The following CHD1L variants were observed in gnomAD, a reference collection of about 807,000 sequenced individuals.
The protein encoded by CHD1L is ATP-dependent chromatin remodeler CHD1L.
In CHD1L, 118 loss-of-function variants were observed where a neutral mutation model predicts 115.9. That is an observed-to-expected ratio of 1.02 (90% confidence interval 0.88 to 1.19). CHD1L has a LOEUF of 1.19. Among genes scored for constraint, CHD1L ranks in the 50% most tolerant of loss-of-function variants. The pLI is 0.00. For synonymous variants in CHD1L, 411 were observed against 387.1 expected (o/e 1.06, Z -0.72); for missense variants, 1,179 against 1,065.3 (o/e 1.11, Z -1.49).
the CHD1L span, chr1:147,209,613 T>C: frequency 6.6e-6 from 1 of 152,628 alleles, no homozygotes; most frequent in Admixed American, 6.5e-5. Flanking sequence ...CCGTTGTATT[T>C]CTGTTTAGTG....
chr1:147,203,976 C>T, the CHD1L span: 5 of 1,214,540 alleles, frequency 4.1e-6, no homozygotes, highest in Non-Finnish European at 4.9e-6. Flanking sequence ...CTTCGGACAT[C>T]CCATTTTGAG....
In CHD1L at chr1:147,254,859, C is replaced by G; in HGVS notation, c.241-11C>G. The stretch of plus-strand genomic sequence containing the variant: ...TGTGATCAAAACTGCCTTTCTTTTT[C>G]TGTGTTCCAGACTATTGCTCTCTTC... On this transcript the variant is annotated splice_polypyrimidine_tract_variant and intron_variant, in intron 2 of 22. Transcript: ENST00000369258. The G allele has an allele frequency of 6.4e-7, 1 of 1,568,402 alleles. No homozygotes were observed. The highest frequency in any genetic ancestry group is 8.6e-7 in the Non-Finnish European group (1 of 1,159,268).
the CHD1L span, chr1:147,225,347 G>T: frequency 3.0e-6 from 1 of 331,316 alleles, no homozygotes. Flanking sequence ...CTCAACAGGC[G>T]GCTGTTGTCA....
intron 21 of CHD1L, 79 bp downstream of exon 21, chr1:147,293,801 A>G: frequency 1.7e-6 from 2 of 1,189,870 alleles, no homozygotes; most frequent in Non-Finnish European, 2.5e-6. Flanking sequence ...GGAGGTAAGA[A>G]ATGTCAAGAT....
the CHD1L span, among the ~76,000 whole-genome samples, chr1:147,236,047 T>C: frequency 6.6e-6 from 1 of 151,922 alleles, no homozygotes; most frequent in Non-Finnish European, 1.5e-5. Flanking sequence ...AAATATGAGG[T>C]CCAGCCACTA....
chr1:147,202,220 T>C, the CHD1L span, among the ~76,000 whole-genome samples: 2 of 151,728 alleles, frequency 1.3e-5, no homozygotes, highest in Non-Finnish European at 2.9e-5. Context: ...AAACATTGGG[T>C]TGGTGCAAAA....
upstream of CHD1L, among the ~76,000 whole-genome samples, chr1:147,239,681 C>G (rs1408031500): frequency 6.6e-6 from 1 of 152,204 alleles, no homozygotes; most frequent in Non-Finnish European, 1.5e-5. Flanking sequence ...GACCTGGAGT[C>G]TCTCAGCTAC....
intron 7 of CHD1L, 28 bp from the exon 8 acceptor site, chr1:147,265,904 A>C: frequency 6.3e-7 from 1 of 1,591,142 alleles, no homozygotes; most frequent in Non-Finnish European, 8.5e-7. Context: ...TTTGTCCCAC[A>C]CTTCTTGTAT....
chr1:147,179,677 G>GA, the CHD1L span: 3 of 1,027,760 alleles, frequency 2.9e-6, no homozygotes, highest in South Asian at 3.9e-5. Context: ...CCAGAGATGG[G>GA]AAAACCACTG....
At chr1:147,223,165 C>T in the CHD1L span, among the ~76,000 whole-genome samples, 1,728 of 152,258 alleles carry the variant, frequency 0.011, 98 homozygotes, top group East Asian at 0.17. Flanking sequence ...AAGGTTTGAG[C>T]CTAAGACTGC....
the CHD1L span, chr1:147,186,408 A>G: frequency 1.1e-6 from 1 of 902,600 alleles, no homozygotes; most frequent in African/African-American, 1.8e-5. Context: ...ACATACAACT[A>G]TTGTAGGAAC....
the CHD1L span, among the ~76,000 whole-genome samples, chr1:147,219,856 T>TTTTTTTG: frequency 6.6e-6 from 1 of 150,446 alleles, no homozygotes; most frequent in East Asian, 1.9e-4. Flanking sequence ...TTTTTTTTTT[T>TTTTTTTG]GAGACAGAGT....
chr1:147,289,970 AT>A (rs1223288237), intron 19 of CHD1L, among the ~76,000 whole-genome samples: 1 of 152,146 alleles, frequency 6.6e-6, no homozygotes, highest in Non-Finnish European at 1.5e-5. Flanking sequence ...GTTTTGGGGG[AT>A]TTGATCAAAA....
chr1:147,187,444 C>T, the CHD1L span, among the ~76,000 whole-genome samples: 8 of 152,108 alleles, frequency 5.3e-5, no homozygotes, highest in South Asian at 6.2e-4. Context: ...AAACATGAAG[C>T]GAGACTTCTG....
At chr1:147,181,324 T>A in the CHD1L span, among the ~76,000 whole-genome samples, 2 of 152,176 alleles carry the variant, frequency 1.3e-5, no homozygotes, top group African/African-American at 4.8e-5. Context: ...ACAATGTGAT[T>A]TATGCTGAAC....
At chr1:147,198,707 C>T in the CHD1L span, among the ~76,000 whole-genome samples, 2 of 151,776 alleles carry the variant, frequency 1.3e-5, no homozygotes, top group South Asian at 2.1e-4. Flanking sequence ...AAAAACTAGC[C>T]GGGCATGGTG....
chr1:147,186,196 A>C, the CHD1L span: 1 of 435,866 alleles, frequency 2.3e-6, no homozygotes, highest in Non-Finnish European at 3.0e-6. Context: ...AAATCCCAAA[A>C]TTCTCAACCA....
At chr1:147,289,929 C>A (rs1002544694) in intron 19 of CHD1L, among the ~76,000 whole-genome samples, 5 of 152,126 alleles carry the variant, frequency 3.3e-5, no homozygotes, top group Non-Finnish European at 4.4e-5. Flanking sequence ...CTGCGCAGAA[C>A]CTTATCTAAT....
the CHD1L span, among the ~76,000 whole-genome samples, chr1:147,192,295 T>TGA: frequency 6.6e-6 from 1 of 152,098 alleles, no homozygotes; most frequent in Admixed American, 6.5e-5. Flanking sequence ...AGTTCACTCA[T>TGA]GATTTGGCTC....
Sources: allele counts gnomAD v4.1 joint callset (sites outside exome capture counted in the v4.1 genomes callset), GRCh38; gene constraint gnomAD v4.1.1; transcripts MANE v1.5; gene names NCBI Gene and HGNC (gene_info 2026-07-23, HGNC 2026-07-21).